MEAF6: variants seen among roughly 807,000 people sequenced by gnomAD.
The protein encoded by MEAF6 is MYST/Esa1 associated factor 6, also known as chromatin modification-related protein MEAF6.
Under a neutral mutation model 28.9 loss-of-function variants are expected in MEAF6, and 15 were observed. The observed-to-expected ratio is 0.52, with a 90% CI of 0.35 to 0.80. The LOEUF is 0.80. MEAF6 is among the 30% of genes least tolerant of loss of function. The pLI is 0.01. For missense variants in MEAF6, 178 were observed against 237.5 expected (o/e 0.75, Z 1.65); for synonymous variants, 97 against 88.7 (o/e 1.09, Z -0.53).
Position 37,501,915 on chromosome 1 carries a change from T to G in MEAF6, c.422A>C (p.Glu141Ala). The G allele has an allele frequency of 6.2e-7, 1 of 1,611,360 alleles. No individual in the cohort carries two copies. ...QENEPSQEDP[E>A]DLDGSVQGVK... ...TCCCTGCACAGATCCATCCAGATCCTCAGGGTCCTCCTGGCTGGGCTCATT... is the reference window on the plus strand; with the variant it reads ...TCCCTGCACAGATCCATCCAGATCCGCAGGGTCCTCCTGGCTGGGCTCATT... Residue 141 changes from glutamate (E) to alanine (A), a missense_variant, in exon 5 of 7, where the codon GAG becomes GCG. Transcript: ENST00000296214.
At chr1:37,506,047 C>T (rs540003074) in intron 4 of MEAF6, among the ~76,000 whole-genome samples, 37 of 152,198 alleles carry the variant, frequency 2.4e-4, no homozygotes, top group Middle Eastern at 3.4e-3. Context: ...CCAAGGTGGG[C>T]GGATCACGAG....
intron 2 of MEAF6, 108 bp from the exon 3 acceptor site, chr1:37,509,650 C>A (rs1029296607): frequency 2.3e-5 from 21 of 894,964 alleles, no homozygotes; most frequent in Non-Finnish European, 3.5e-5. Flanking sequence ...GTCACTCAGA[C>A]TGGCCCAAAC....
At chr1:37,498,520 G>A (rs1168041703) in intron 5 of MEAF6, among the ~76,000 whole-genome samples, 1 of 151,484 alleles carries the variant, frequency 6.6e-6, no homozygotes, top group Admixed American at 6.6e-5. Context: ...AACCTCCTGG[G>A]CTCAAGCAAT....
chr1:37,509,489 C>T lies in MEAF6; in HGVS notation c.260G>A (p.Arg87Gln), dbSNP rs1226803264. 6.2e-7 allele frequency: 1 copy of T among 1,614,110 alleles called. No homozygotes were observed. Among genetic ancestry groups the T allele is most frequent in the Non-Finnish European group, 8.5e-7 (1 of 1,180,020 alleles). Residue 87 changes from arginine (R) to glutamine (Q), a missense_variant, in exon 3 of 7, where the codon CGG (arginine) becomes CAG (glutamine). Arg to Gln is a conservative substitution (Grantham distance 43). Coordinates refer to ENST00000296214, the MANE Select transcript of MEAF6 (RefSeq NM_001270875.3). ...RRNRKFKEAE[R>Q]LFSKSSVTSA... ...GGTAACCGAGGATTTACTGAAGAGC[C>T]GCTCAGCTTCCTTAAACTTCCGGTT...
chr1:37,494,696 T>C (rs1485687158), intron 6 of MEAF6, among the ~76,000 whole-genome samples: 1 of 151,496 alleles, frequency 6.6e-6, no homozygotes, highest in Non-Finnish European at 1.5e-5. Flanking sequence ...CCAGGTGTGG[T>C]GGCTCATGCC....
intron 5 of MEAF6, chr1:37,500,890 G>A (rs1642278886): frequency 1.3e-5 from 2 of 154,084 alleles, no homozygotes; most frequent in Non-Finnish European, 2.9e-5. Flanking sequence ...AGGAGGAGTA[G>A]AACGAATGTA....
intron 5 of MEAF6, among the ~76,000 whole-genome samples, chr1:37,500,165 GCA>G (rs1642252208): frequency 6.6e-6 from 1 of 152,130 alleles, no homozygotes; most frequent in South Asian, 2.1e-4. Flanking sequence ...GCACAGTGGT[GCA>G]CGCCTGTAAT....
chr1:37,509,690 T>G, intron 2 of MEAF6, 148 bp from the exon 3 acceptor site: 1 of 601,374 alleles, frequency 1.7e-6, no homozygotes. Context: ...GAAAGCAACG[T>G]TTTCCAATAT....
chr1:37,490,868 T>TAA lies in MEAF6; in HGVS notation c.*3229_*3230dup, dbSNP rs35026214. ...GGTGAAACCCGGTCTCTATTGAAAATAAAAAAAAACTAGCTGGGTGTGGTA... is the reference window on the plus strand; with the variant it reads ...GGTGAAACCCGGTCTCTATTGAAAATAAAAAAAAAAACTAGCTGGGTGTGGTA... On this transcript the variant is annotated 3_prime_UTR_variant, in exon 7 of 7. Coordinates refer to ENST00000296214, the MANE Select transcript of MEAF6 (RefSeq NM_001270875.3). 0.053 allele frequency among the ~76,000 whole-genome samples: 8,001 copies of TAA among 150,152 alleles called. 255 individuals are homozygous for TAA. Among genetic ancestry groups the TAA allele is most frequent in the South Asian group, 0.14 (644 of 4,732 alleles).
intron 4 of MEAF6, among the ~76,000 whole-genome samples, chr1:37,506,055 G>A (rs558207959): frequency 8.2e-4 from 125 of 152,280 alleles, no homozygotes; most frequent in African/African-American, 2.9e-3. Flanking sequence ...GGCGGATCAC[G>A]AGGTCAGGAG....
rs1024329184 is a variant in MEAF6, at chr1:37,491,766, T to C, written c.*2333A>G. On this transcript the variant is annotated 3_prime_UTR_variant, in exon 7 of 7. Transcript: ENST00000296214. ...ACTTAAATAATCTTTTTAAGAGCAG[T>C]ACTATTCTGTCTCCAGCAATGTCAA... Among the ~76,000 whole-genome samples, 4 of 151,454 alleles carry C rather than the reference T, an allele frequency of 2.6e-5. No homozygotes were observed. Among genetic ancestry groups the C allele is most frequent in the African/African-American group, 9.7e-5 (4 of 41,364 alleles).
chr1:37,495,706 A>AAAC (rs1642105924), intron 6 of MEAF6, among the ~76,000 whole-genome samples, 179 bp downstream of exon 6: 1 of 121,286 alleles, frequency 8.2e-6, no homozygotes, highest in Admixed American at 8.1e-5. Flanking sequence ...ACAAAAAACA[A>AAAC]AAAAAAAAAA....
Position 37,508,274 on chromosome 1 carries a change from CTTTTTTTTTTTTTT to C in MEAF6, c.340+990_340+1003del, listed in dbSNP as rs577291632. Among the ~76,000 whole-genome samples the C allele has an allele frequency of 5.8e-4, 49 of 83,910 alleles. 1 individual carries two copies. The highest frequency in any genetic ancestry group is 5.7e-3 in the Admixed American group (44 of 7,730). The allele number at this position is 83,910 out of a possible 152,430, so 55.0% of individuals were successfully genotyped here. A position where few individuals can be genotyped will look rare whatever the true frequency, so the allele number is the denominator to read the frequency against. On this transcript the variant is annotated intron_variant, in intron 4 of 6. Coordinates refer to ENST00000296214, the MANE Select transcript of MEAF6 (RefSeq NM_001270875.3). ...CATCCTATTTACAGGATGAGCATTT[CTTTTTTTTTTTTTT>C]TTTTTTTTTTTTGGCATGGTCTCAC...
intron 4 of MEAF6, among the ~76,000 whole-genome samples, chr1:37,503,791 T>G (rs902310482): frequency 1.3e-5 from 2 of 149,378 alleles, no homozygotes; most frequent in Non-Finnish European, 3.0e-5. Flanking sequence ...CGGCAAAACC[T>G]CATCTCTACT....
chr1:37,509,418 C>T (rs771804370), intron 3 of MEAF6, 37 bp downstream of exon 3: 1 of 1,610,406 alleles, frequency 6.2e-7, no homozygotes, highest in South Asian at 1.1e-5. Context: ...TCCCCAACAA[C>T]AGGCCAAAGA....
At chr1:37,507,722 T>C (rs1390951572) in intron 4 of MEAF6, among the ~76,000 whole-genome samples, 1 of 151,978 alleles carries the variant, frequency 6.6e-6, no homozygotes, top group Non-Finnish European at 1.5e-5. Flanking sequence ...GGCTCATGCC[T>C]GTAATCCCAG....
chr1:37,499,782 G>A (rs1271339686), intron 5 of MEAF6, among the ~76,000 whole-genome samples: 1 of 152,154 alleles, frequency 6.6e-6, no homozygotes, highest in Non-Finnish European at 1.5e-5. Context: ...AAGAAGTATT[G>A]TTCCTATGGA....
chr1:37,507,465 A>T (rs1642524225), intron 4 of MEAF6, among the ~76,000 whole-genome samples: 1 of 152,058 alleles, frequency 6.6e-6, no homozygotes, highest in African/African-American at 2.4e-5. Context: ...AAAAAAAAAA[A>T]AAAAGATTTA....
At chr1:37,513,598 G>T in intron 1 of MEAF6, 60 bp from the exon 2 acceptor site, 1 of 1,326,074 alleles carries the variant, frequency 7.5e-7, no homozygotes, top group Non-Finnish European at 1.1e-6. Flanking sequence ...CTTAAGTCTG[G>T]CCAAAATGAA....
Sources: allele counts gnomAD v4.1 joint callset (sites outside exome capture counted in the v4.1 genomes callset), GRCh38; gene constraint gnomAD v4.1.1; transcripts MANE v1.5; gene names NCBI Gene and HGNC (gene_info 2026-07-23, HGNC 2026-07-21).